The following ERI1 variants were observed in gnomAD, a reference collection of about 807,000 sequenced individuals.
ERI1 encodes 3'-5' exoribonuclease 1.
ERI1 carries 39 observed loss-of-function variants against 39.7 expected under a neutral mutation model. The observed-to-expected ratio is 0.98, with a 90% confidence interval of 0.76 to 1.28. The LOEUF (loss-of-function observed/expected upper bound fraction) is 1.28, where lower values mean the gene tolerates loss of function less well. ERI1 is among the 50% of genes most tolerant of loss of function. The pLI is 0.00. For missense variants in ERI1, 581 were observed against 416.9 expected (o/e 1.39, Z -3.43); for synonymous variants, 204 against 149.6 (o/e 1.36, Z -2.65).
intron 3 of ERI1, among the ~76,000 whole-genome samples, chr8:9,042,950 G>A (rs1798070655): frequency 6.6e-6 from 1 of 152,148 alleles, no homozygotes; most frequent in Non-Finnish European, 1.5e-5. Flanking sequence ...ATGTCCCCCG[G>A]CACATGCTCT....
At chr8:9,007,171 A>G (rs1010624319) in intron 1 of ERI1, among the ~76,000 whole-genome samples, 2 of 152,174 alleles carry the variant, frequency 1.3e-5, no homozygotes, top group African/African-American at 4.8e-5. Flanking sequence ...TTCTTAACAG[A>G]TTTTTATTTA....
At chr8:9,007,759 G>A (rs1816174742) in intron 1 of ERI1, among the ~76,000 whole-genome samples, 2 of 152,082 alleles carry the variant, frequency 1.3e-5, no homozygotes, top group African/African-American at 4.8e-5. Flanking sequence ...GGAACCTCAT[G>A]ACTCATAATA....
rs1003761101 is a variant in ERI1 at position 9,011,722 on chromosome 8, T to G, written c.468T>G (p.Val156=). ...TACATGAAATAATTGAATTTCCGGTTGTTTTACTGAATACGCATACTTTAG... is the reference window on the plus strand; with the variant it reads ...TACATGAAATAATTGAATTTCCGGTGGTTTTACTGAATACGCATACTTTAG... ...EFVHEIIEFP[V]VLLNTHTLEI... The change falls in exon 3 of 7, where the codon GTT becomes GTG. Residue 156 remains valine, a synonymous_variant. Transcript: ENST00000250263. 14 of 1,610,622 alleles carry G rather than the reference T, an allele frequency of 8.7e-6. No individual in the cohort carries two copies. The highest frequency in any genetic ancestry group is 1.1e-5 in the Non-Finnish European group (13 of 1,178,114).
intron 6 of ERI1, among the ~76,000 whole-genome samples, chr8:9,022,259 T>A (rs1273926868): frequency 6.6e-6 from 1 of 152,208 alleles, no homozygotes; most frequent in East Asian, 1.9e-4. Context: ...GAACCCCTTA[T>A]TTAAATTTCT....
At chr8:9,091,499 C>T (rs1373431236) in intron 3 of ERI1, 2 of 134,076 alleles carry the variant, frequency 1.5e-5, no homozygotes, top group Non-Finnish European at 3.2e-5. Context: ...CAGAGCGAGA[C>T]TCTGTCTCAA....
At chr8:9,058,832 A>G (rs1798594533) in intron 3 of ERI1, among the ~76,000 whole-genome samples, 1 of 140,366 alleles carries the variant, frequency 7.1e-6, no homozygotes, top group Admixed American at 8.1e-5. Context: ...ATAAACAGCA[A>G]CTTCATTGAT....
chr8:9,074,255 C>T (rs1799139626), intron 3 of ERI1, among the ~76,000 whole-genome samples: 2 of 151,780 alleles, frequency 1.3e-5, no homozygotes, highest in African/African-American at 2.4e-5. Context: ...GGATTACAGG[C>T]ACCCGCCACC....
At chr8:9,067,828 ACTC>A (rs1189609012) in intron 3 of ERI1, among the ~76,000 whole-genome samples, 2 of 141,188 alleles carry the variant, frequency 1.4e-5, no homozygotes, top group African/African-American at 4.9e-5. Context: ...AAGTCAACAA[ACTC>A]CTGCCCCAGC....
intron 4 of ERI1, among the ~76,000 whole-genome samples, 162 bp from the exon 5 acceptor site, chr8:9,018,135 T>C (rs1817497431): frequency 6.6e-6 from 1 of 152,358 alleles, no homozygotes; most frequent in Non-Finnish European, 1.5e-5. Flanking sequence ...TAGAATTTCT[T>C]AAAAATGAAA....
At chr8:9,070,181 G>A (rs1158726831) in intron 3 of ERI1, among the ~76,000 whole-genome samples, 4 of 151,960 alleles carry the variant, frequency 2.6e-5, no homozygotes, top group Admixed American at 2.6e-4. Flanking sequence ...AGAGGTTGCA[G>A]TGAGCTGAGA....
At chr8:9,092,901 A>G (rs1204629376) in intron 3 of ERI1, among the ~76,000 whole-genome samples, 9 of 152,178 alleles carry the variant, frequency 5.9e-5, no homozygotes, top group Admixed American at 5.9e-4. Context: ...GAGGGCTGGG[A>G]GGGAGAATCT....
chr8:9,051,869 T>C (rs1443007466), intron 3 of ERI1, among the ~76,000 whole-genome samples: 1 of 152,230 alleles, frequency 6.6e-6, no homozygotes, highest in Non-Finnish European at 1.5e-5. Context: ...TGGACTATAA[T>C]TGCTTAAACT....
downstream of ERI1, among the ~76,000 whole-genome samples, chr8:9,037,708 A>G (rs1023818766): frequency 3.3e-5 from 5 of 152,254 alleles, no homozygotes; most frequent in Admixed American, 6.5e-5. Context: ...CTGTTTTGGC[A>G]GAGTTACAGA....
chr8:9,046,814 C>G (rs1363788460), intron 3 of ERI1, among the ~76,000 whole-genome samples: 1 of 152,166 alleles, frequency 6.6e-6, no homozygotes, highest in East Asian at 1.9e-4. Context: ...TCCACTCTCA[C>G]AAGCAGGGCC....
At chr8:9,035,433 G>A (rs542370561), downstream of ERI1, among the ~76,000 whole-genome samples, 4 of 152,256 alleles carry the variant, frequency 2.6e-5, no homozygotes, top group African/African-American at 9.6e-5. Flanking sequence ...AAAATCCTAG[G>A]GCCCTTATGC....
intron 6 of ERI1, among the ~76,000 whole-genome samples, chr8:9,022,580 A>G (rs1215008914): frequency 6.6e-6 from 1 of 151,994 alleles, no homozygotes; most frequent in Non-Finnish European, 1.5e-5. Flanking sequence ...TTGTATTTTC[A>G]GTAGAGACGG....
intron 3 of ERI1, among the ~76,000 whole-genome samples, chr8:9,092,972 G>A (rs769654961): frequency 5.3e-5 from 8 of 152,272 alleles, no homozygotes; most frequent in African/African-American, 1.9e-4. Context: ...TCCTTGGCTC[G>A]TGGGCCCATC....
intron 3 of ERI1, among the ~76,000 whole-genome samples, chr8:9,079,631 C>A (rs894313084): frequency 6.6e-6 from 1 of 152,056 alleles, no homozygotes; most frequent in Non-Finnish European, 1.5e-5. Context: ...AAGACTCAGC[C>A]CCAGGTAGCC....
At chr8:9,095,268 G>A (rs2979251) in intron 3 of ERI1, among the ~76,000 whole-genome samples, 152,140 of 152,312 alleles carry the variant, frequency 1, 75,986 homozygotes, top group Middle Eastern at 1. Context: ...CTGGGGTTCT[G>A]TTGAATAGAT....
Sources: gnomAD v4.1 joint callset for allele counts (sites outside exome capture counted in the v4.1 genomes callset) on GRCh38, gnomAD v4.1.1 for gene constraint, MANE v1.5 for transcripts, NCBI Gene and HGNC (gene_info 2026-07-23, HGNC 2026-07-21) for gene names.